The following FAM24B variants were observed in gnomAD, a reference collection of about 807,000 sequenced individuals.
The protein encoded by FAM24B is protein FAM24B.
FAM24B carries 3 observed loss-of-function variants against 2.3 expected under a neutral mutation model. That is an observed-to-expected ratio of 1.29 (90% CI 0.59 to 3.32). The LOEUF (loss-of-function observed/expected upper bound fraction) is 3.32. FAM24B is among the 30% of genes most tolerant of loss of function. The pLI is 0.03. For missense variants in FAM24B, 98 were observed against 117.2 expected (o/e 0.84, Z 0.76); for synonymous variants, 36 against 46.3 (o/e 0.78, Z 0.90).
intron 1 of FAM24B, among the ~76,000 whole-genome samples, chr10:122,859,532 T>C (rs906630709): frequency 6.6e-6 from 1 of 152,140 alleles, no homozygotes; most frequent in Non-Finnish European, 1.5e-5. Context: ...TAACTAGGGT[T>C]CAGACCTTGT....
At chr10:122,866,352 TTTTC>T (rs1167165228) in intron 1 of FAM24B, among the ~76,000 whole-genome samples, 6 of 152,076 alleles carry the variant, frequency 3.9e-5, no homozygotes, top group South Asian at 2.1e-4. Flanking sequence ...TTCATTGGTT[TTTTC>T]TTTGTCAATT....
intron 1 of FAM24B, among the ~76,000 whole-genome samples, chr10:122,866,651 T>C (rs1433167742): frequency 6.6e-6 from 1 of 152,142 alleles, no homozygotes; most frequent in Non-Finnish European, 1.5e-5. Flanking sequence ...TCAGCAATCT[T>C]TGATGTTACT....
Position 122,865,778 on chromosome 10 carries a change from AT to A in FAM24B, c.-177-9993del, listed in dbSNP as rs562414206. ...TATTTTTTTGGAAGAGTAATTATTA[AT>A]TTTTTTTTTTACTAGATATAGGCCT... On this transcript the variant is annotated intron_variant, in intron 1 of 3. Coordinates refer to ENST00000368898, the MANE Select transcript of FAM24B (RefSeq NM_152644.3). Among the ~76,000 whole-genome samples the A allele has an allele frequency of 8.1e-3, 1,201 of 147,650 alleles. 9 individuals carry two copies. The highest frequency in any genetic ancestry group is 0.018 in the African/African-American group (741 of 40,364).
intron 1 of FAM24B, among the ~76,000 whole-genome samples, chr10:122,870,860 C>A (rs949971422): frequency 6.6e-6 from 1 of 152,174 alleles, no homozygotes; most frequent in African/African-American, 2.4e-5. Context: ...GAAGCATTCC[C>A]TTTGAAAACT....
intron 1 of FAM24B, among the ~76,000 whole-genome samples, chr10:122,863,250 C>T (rs1461606680): frequency 1.3e-5 from 2 of 152,164 alleles, no homozygotes; most frequent in African/African-American, 2.4e-5. Flanking sequence ...GACTTCATGC[C>T]TGGCACTAGC....
rs115800240 is a variant in FAM24B at position 122,854,132 on chromosome 10, A to G, written c.-36+1513T>C. Among the ~76,000 whole-genome samples the G allele has an allele frequency of 8.0e-3, 1,226 of 152,340 alleles. 21 individuals are homozygous for G. The highest frequency in any genetic ancestry group is 0.028 in the African/African-American group (1,173 of 41,564). ...CTGAGCCTCTAAATTTAGACAGTGC[A>G]GTGACTCAGACATAGCAGTTAAACC... On this transcript the variant is annotated intron_variant, in intron 2 of 3. Transcript: ENST00000368898.
intron 1 of FAM24B, among the ~76,000 whole-genome samples, chr10:122,860,154 T>A (rs1477900956): frequency 6.6e-6 from 1 of 152,172 alleles, no homozygotes; most frequent in Non-Finnish European, 1.5e-5. Context: ...AAAGAACAGT[T>A]CCATCACCTT....
At chr10:122,866,465 T>C (rs566835135) in intron 1 of FAM24B, among the ~76,000 whole-genome samples, 256 of 151,990 alleles carry the variant, frequency 1.7e-3, no homozygotes, top group Non-Finnish European at 2.5e-3. Context: ...CTGTGCCTCA[T>C]AGATACCGCA....
chr10:122,874,428 T>C (rs1847946799), intron 1 of FAM24B, among the ~76,000 whole-genome samples: 1 of 152,204 alleles, frequency 6.6e-6, no homozygotes, highest in Non-Finnish European at 1.5e-5. Context: ...TTTTAATATT[T>C]TTTGCAACAC....
At chr10:122,860,246 C>G (rs1033567540) in intron 1 of FAM24B, among the ~76,000 whole-genome samples, 1 of 152,146 alleles carries the variant, frequency 6.6e-6, no homozygotes. Flanking sequence ...ATTTTCCATC[C>G]TTTTGTTTTG....
chr10:122,874,360 C>T (rs1310773602), intron 1 of FAM24B, among the ~76,000 whole-genome samples: 1 of 152,126 alleles, frequency 6.6e-6, no homozygotes, highest in Non-Finnish European at 1.5e-5. Flanking sequence ...GATGCTCTTC[C>T]TTTATATAGA....
Position 122,864,035 on chromosome 10 carries a change from T to C in FAM24B, c.-177-8249A>G, listed in dbSNP as rs1260438350. ...CTGATAACTCCTGCCACAATCACAATGGATAAGTGGTGAAGCTCATCCCAA... is the reference window on the plus strand; with the variant it reads ...CTGATAACTCCTGCCACAATCACAACGGATAAGTGGTGAAGCTCATCCCAA... On this transcript the variant is annotated intron_variant, in intron 1 of 3. Transcript: ENST00000368898. Among the ~76,000 whole-genome samples the C allele has an allele frequency of 3.9e-5, 6 of 152,218 alleles. No homozygotes were observed. In the East Asian group the frequency reaches 9.7e-4, roughly 25 times the overall value.
intron 1 of FAM24B, among the ~76,000 whole-genome samples, chr10:122,872,412 T>G (rs928108266): frequency 6.6e-6 from 1 of 152,188 alleles, no homozygotes; most frequent in African/African-American, 2.4e-5. Context: ...GAAATACCAT[T>G]TGACCCAGCC....
chr10:122,860,190 C>T (rs577401458), intron 1 of FAM24B, among the ~76,000 whole-genome samples: 3 of 152,326 alleles, frequency 2.0e-5, no homozygotes, highest in African/African-American at 7.2e-5. Flanking sequence ...GTGGCCCCTA[C>T]AGTCAGCTTC....
intron 1 of FAM24B, among the ~76,000 whole-genome samples, chr10:122,860,253 T>C (rs1425156572): frequency 6.6e-6 from 1 of 152,140 alleles, no homozygotes; most frequent in Non-Finnish European, 1.5e-5. Context: ...ATCCTTTTGT[T>C]TTGGGTTTGC....
chr10:122,863,210 A>G (rs775799231), intron 1 of FAM24B, among the ~76,000 whole-genome samples: 19 of 152,220 alleles, frequency 1.2e-4, no homozygotes, highest in Non-Finnish European at 2.4e-4. Flanking sequence ...CCACAATCAC[A>G]AAGTAATAGC....
intron 1 of FAM24B, among the ~76,000 whole-genome samples, chr10:122,872,855 G>T (rs1215411319): frequency 6.6e-6 from 1 of 152,058 alleles, no homozygotes; most frequent in Non-Finnish European, 1.5e-5. Flanking sequence ...GTTAATGGGT[G>T]CAGCACACCA....
Position 122,870,367 on chromosome 10 carries a change from G to A in FAM24B, c.-178+9118C>T, listed in dbSNP as rs1000154764. On this transcript the variant is annotated intron_variant, in intron 1 of 3. Transcript: ENST00000368898. ...AATTCTACCAGAGGTACAAGGAGGA[G>A]CTGGTACCATTCCTTCTGAAACTAT... Among the ~76,000 whole-genome samples the A allele has an allele frequency of 1.4e-3, 218 of 152,214 alleles. 1 individual carries two copies. The highest frequency in any genetic ancestry group is 4.8e-3 in the African/African-American group (201 of 41,528).
intron 1 of FAM24B, among the ~76,000 whole-genome samples, chr10:122,871,975 A>G (rs1847904974): frequency 6.6e-6 from 1 of 152,346 alleles, no homozygotes; most frequent in South Asian, 2.1e-4. Context: ...GCACAGCAAA[A>G]GAAACCACCG....
Sources: gnomAD v4.1 joint callset for allele counts (sites outside exome capture counted in the v4.1 genomes callset) on GRCh38, gnomAD v4.1.1 for gene constraint, MANE v1.5 for transcripts, NCBI Gene and HGNC (gene_info 2026-07-23, HGNC 2026-07-21) for gene names.